The following AMOTL1 variants were observed in gnomAD, a reference collection of about 807,000 sequenced individuals.
The protein encoded by AMOTL1 is angiomotin-like protein 1.
AMOTL1 carries 45 observed loss-of-function variants against 102.9 expected under a neutral mutation model. That is an observed-to-expected ratio of 0.44 (90% CI 0.34 to 0.56). AMOTL1 has a LOEUF of 0.56. Ranked by LOEUF, AMOTL1 falls within the 20% of genes least tolerant of loss-of-function variation. AMOTL1 has a pLI of 0.01. For synonymous variants in AMOTL1, 481 were observed against 484.7 expected, an observed-to-expected ratio of 0.99 and a Z score of 0.10; for missense variants, 1,114 against 1,225.6, an observed-to-expected ratio of 0.91 and a Z score of 1.36.
intron 2 of AMOTL1, among the ~76,000 whole-genome samples, chr11:94,731,016 T>C (rs1950340158): frequency 6.6e-6 from 1 of 152,216 alleles, no homozygotes; most frequent in African/African-American, 2.4e-5. Flanking sequence ...AACTCCATAC[T>C]GTGACCATCT....
intron 2 of AMOTL1, among the ~76,000 whole-genome samples, chr11:94,736,716 C>T (rs575970794): frequency 1.3e-5 from 2 of 152,306 alleles, no homozygotes; most frequent in South Asian, 4.1e-4. Flanking sequence ...GATGCAAATC[C>T]GTAAACTTGT....
At chr11:94,852,185 A>C (rs1020580341) in intron 7 of AMOTL1, among the ~76,000 whole-genome samples, 9 of 152,244 alleles carry the variant, frequency 5.9e-5, no homozygotes, top group African/African-American at 1.9e-4. Context: ...GGAATTGAGC[A>C]ATCAAAATCA....
At chr11:94,740,585 C>A (rs1007977117) in intron 2 of AMOTL1, among the ~76,000 whole-genome samples, 1 of 151,700 alleles carries the variant, frequency 6.6e-6, no homozygotes, top group Non-Finnish European at 1.5e-5. Context: ...CGGCGCCAGG[C>A]CCGGCAGACA....
chr11:94,756,478 T>G (rs1950726883), intron 3 of AMOTL1, among the ~76,000 whole-genome samples: 1 of 152,228 alleles, frequency 6.6e-6, no homozygotes, highest in African/African-American at 2.4e-5. Flanking sequence ...GGAATAGCTA[T>G]TACTCTTATT....
At chr11:94,805,980 G>A (rs1385213084) in intron 3 of AMOTL1, among the ~76,000 whole-genome samples, 1 of 152,086 alleles carries the variant, frequency 6.6e-6, no homozygotes, top group African/African-American at 2.4e-5. Flanking sequence ...GGGAACCTGT[G>A]GTATGACCTA....
intron 3 of AMOTL1, among the ~76,000 whole-genome samples, chr11:94,744,196 A>G (rs1950562981): frequency 6.6e-6 from 1 of 152,226 alleles, no homozygotes; most frequent in South Asian, 2.1e-4. Context: ...TAACTTGGCT[A>G]CAAATCAGGG....
rs748179282 is a variant in AMOTL1, at chr11:94,830,231, G to A, written c.1558+37G>A. On this transcript the variant is annotated intron_variant, in intron 5 of 12. Coordinates refer to ENST00000433060, the MANE Select transcript of AMOTL1 (RefSeq NM_130847.3). Reference sequence around the variant, plus strand: ...CATGTTCTCTCTATCTAAACTACCTGTAGAGTTTTAGTGTAGCTAAAAGCA... The same window carrying A: ...CATGTTCTCTCTATCTAAACTACCTATAGAGTTTTAGTGTAGCTAAAAGCA... 7 of 1,555,140 alleles carry A rather than the reference G, an allele frequency of 4.5e-6. No individual in the cohort carries two copies. In the East Asian group the frequency reaches 1.2e-4, roughly 26 times the overall value.
chr11:94,846,086 A>C (rs991312876), intron 6 of AMOTL1, among the ~76,000 whole-genome samples: 3 of 152,180 alleles, frequency 2.0e-5, no homozygotes, highest in African/African-American at 7.2e-5. Flanking sequence ...AGTCTGATAC[A>C]CTTCATGGTC....
Position 94,799,883 on chromosome 11 carries a change from G to A in AMOTL1, c.693G>A (p.Glu231=), listed in dbSNP as rs748822530. 3.1e-6 allele frequency: 5 copies of A among 1,597,700 alleles called. No individual in the cohort carries two copies. The Admixed American group carries it at 8.5e-5, about 27-fold the overall frequency. ...AGGTSQKSRT[E]GRPTVNRANS... is the part of the protein sequence containing the mutation. ...GCACCAGTCAGAAGTCCCGAACTGA[G>A]GGGAGGCCCACTGTGAACCGTGCCA... Residue 231 remains glutamate (E), a synonymous_variant, in exon 3 of 13, where the codon GAG becomes GAA. Coordinates refer to ENST00000433060, the MANE Select transcript of AMOTL1 (RefSeq NM_130847.3). The surrounding 1 kb of genome is among the most constrained non-coding windows in gnomAD (Gnocchi z 4.5).
chr11:94,822,119 T>C (rs977131509), intron 4 of AMOTL1, among the ~76,000 whole-genome samples: 2 of 152,168 alleles, frequency 1.3e-5, no homozygotes, highest in Non-Finnish European at 2.9e-5. Flanking sequence ...TTACCCCACC[T>C]GGACAAATGT....
chr11:94,862,136 A>G (rs1016785042), intron 9 of AMOTL1, among the ~76,000 whole-genome samples: 7 of 152,094 alleles, frequency 4.6e-5, no homozygotes, highest in African/African-American at 9.7e-5. Context: ...TTGCTTTTAC[A>G]CATATTTATT....
At chr11:94,831,753 T>C (rs1952076378) in intron 6 of AMOTL1, among the ~76,000 whole-genome samples, 1 of 152,220 alleles carries the variant, frequency 6.6e-6, no homozygotes, top group African/African-American at 2.4e-5. Context: ...GTTTATTCTG[T>C]CCCTCTGACC....
intron 3 of AMOTL1, among the ~76,000 whole-genome samples, chr11:94,742,760 T>A (rs1341818442): frequency 6.6e-6 from 1 of 152,228 alleles, no homozygotes; most frequent in Non-Finnish European, 1.5e-5. Context: ...TCACAAGTTC[T>A]GGAGGCTGGG....
chr11:94,840,681 T>TATATATATATAC (rs1166713705), intron 6 of AMOTL1, among the ~76,000 whole-genome samples: 61 of 104,768 alleles, frequency 5.8e-4, no homozygotes, highest in Admixed American at 1.7e-3. Context: ...TATATATATA[T>TATATATATATAC]ACACACACAC....
chr11:94,843,936 G>A lies in AMOTL1; in HGVS notation c.1649-6178G>A, dbSNP rs189656630. Among the ~76,000 whole-genome samples the A allele has an allele frequency of 7.9e-5, 12 of 152,208 alleles. No homozygotes were observed. In the East Asian group the frequency reaches 2.3e-3, roughly 29 times the overall value. On this transcript the variant is annotated intron_variant, in intron 6 of 12. Transcript: ENST00000433060. ...GTGAACCTCCAGTGCTGGACTTGGGGCTCTGGCACGGTACATAGAGGGCCT... is the reference window on the plus strand; with the variant it reads ...GTGAACCTCCAGTGCTGGACTTGGGACTCTGGCACGGTACATAGAGGGCCT...
At chr11:94,754,273 T>C (rs1950693921) in intron 3 of AMOTL1, among the ~76,000 whole-genome samples, 1 of 152,078 alleles carries the variant, frequency 6.6e-6, no homozygotes, top group African/African-American at 2.4e-5. Flanking sequence ...CCAGATGAGA[T>C]CCATCCATCA....
At chr11:94,829,141 A>G (rs1952024219) in intron 4 of AMOTL1, among the ~76,000 whole-genome samples, 1 of 151,534 alleles carries the variant, frequency 6.6e-6, no homozygotes, top group Non-Finnish European at 1.5e-5. Flanking sequence ...AATGATTTTA[A>G]TTTCTTGGCT....
At chr11:94,771,918 G>A (rs1472966711) in intron 1 of AMOTL1, among the ~76,000 whole-genome samples, 1 of 152,204 alleles carries the variant, frequency 6.6e-6, no homozygotes, top group African/African-American at 2.4e-5. Context: ...TTCAAAAACT[G>A]TCGTTCTATG....
At position 94,859,681 on chromosome 11, in the gene AMOTL1, G is replaced by A; in HGVS notation, c.2101G>A (p.Ala701Thr). 4 of 1,612,022 alleles carry A rather than the reference G, an allele frequency of 2.5e-6. No individual in the cohort carries two copies. The East Asian group carries it at 6.7e-5, about 27-fold the overall frequency. ...GGAGGAGAGCACCATCCGACACTTT[G>A]CCATGAATGCCGCAGCCACTGCAGC... ...YLEESTIRHF[A>T]MNAAATAAAE... is the part of the protein sequence containing the mutation. The change falls in exon 9 of 13, where the codon GCC (alanine) becomes ACC (threonine). Residue 701 changes from alanine to threonine, a missense_variant. Physicochemically the swap from Ala to Thr is moderately conservative, Grantham distance 58. Transcript: ENST00000433060.
Sources: allele counts gnomAD v4.1 joint callset (sites outside exome capture counted in the v4.1 genomes callset), GRCh38; gene constraint gnomAD v4.1.1; non-coding constraint Gnocchi (gnomAD v3.1); transcripts MANE v1.5; gene names NCBI Gene and HGNC (gene_info 2026-07-23, HGNC 2026-07-21).